The following HEATR4 variants were observed in gnomAD, a reference collection of about 807,000 sequenced individuals.
HEATR4 encodes HEAT repeat containing 4.
In HEATR4, 95 loss-of-function variants were observed where a neutral mutation model predicts 108.8. That is an observed-to-expected ratio of 0.87 (90% CI 0.74 to 1.04). The LOEUF is 1.04. Among genes scored for constraint, HEATR4 ranks in the 50% least tolerant of loss-of-function variants. The pLI, the probability that HEATR4 is intolerant of heterozygous loss-of-function variation, is 0.00. For missense variants in HEATR4, 1,152 were observed against 1,253.8 expected (o/e 0.92, Z 1.23); for synonymous variants, 443 against 459.4 (o/e 0.96, Z 0.46).
chr14:73,585,188 C>T, the HEATR4 span, among the ~76,000 whole-genome samples: 3 of 152,130 alleles, frequency 2.0e-5, no homozygotes, highest in East Asian at 1.9e-4. Flanking sequence ...GTTCCTGTCT[C>T]ACGACCTGGC....
At chr14:73,584,037 T>C in the HEATR4 span, among the ~76,000 whole-genome samples, 1,506 of 151,596 alleles carry the variant, frequency 9.9e-3, 21 homozygotes, top group African/African-American at 0.035. Flanking sequence ...TGTATGACCT[T>C]TCCAGGACAC....
Position 73,537,506 on chromosome 14 carries a change from G to A in HEATR4, c.-151-7262C>T, listed in dbSNP as rs199573594. On this transcript the variant is annotated intron_variant, in intron 1 of 17. Transcript: ENST00000553558. ...AATCGCCGTGCGCGGCCTAGCCCCG[G>A]AGCAGCCGGTCACGCTGCGCGCGTC... 11,091 of 1,215,596 alleles carry A rather than the reference G, an allele frequency of 9.1e-3. 3,434 individuals are homozygous for A. The highest frequency in any genetic ancestry group is 0.011 in the Non-Finnish European group (10,238 of 922,868). The allele number at this position is 1,215,596 out of a possible 1,614,324, so 75.3% of individuals were successfully genotyped here.
At chr14:73,528,182 G>A (rs1484091900) in intron 2 of HEATR4, among the ~76,000 whole-genome samples, 1 of 151,458 alleles carries the variant, frequency 6.6e-6, no homozygotes, top group African/African-American at 2.4e-5. Context: ...ATCACCTGAG[G>A]TCAGGAGTTT....
chr14:73,483,567 A>G (rs993811623), intron 17 of HEATR4, among the ~76,000 whole-genome samples: 2 of 152,210 alleles, frequency 1.3e-5, no homozygotes, highest in Non-Finnish European at 2.9e-5. Flanking sequence ...GATGAAAAAT[A>G]AATACTTTCA....
chr14:73,572,679 G>A, the HEATR4 span, among the ~76,000 whole-genome samples: 7 of 133,266 alleles, frequency 5.3e-5, no homozygotes, highest in South Asian at 5.0e-4. Context: ...ACAGTGTCTC[G>A]CTCTTTCGCC....
chr14:73,576,314 C>T, the HEATR4 span, among the ~76,000 whole-genome samples: 1 of 152,060 alleles, frequency 6.6e-6, no homozygotes, highest in South Asian at 2.1e-4. Flanking sequence ...TATAAAACTA[C>T]TAAAAATTTT....
chr14:73,628,219 T>G, the HEATR4 span, among the ~76,000 whole-genome samples: 1 of 152,232 alleles, frequency 6.6e-6, no homozygotes, highest in African/African-American at 2.4e-5. Flanking sequence ...GACAACACGT[T>G]GGAGATTCTA....
chr14:73,625,744 T>G, the HEATR4 span, among the ~76,000 whole-genome samples: 1 of 152,212 alleles, frequency 6.6e-6, no homozygotes, highest in Admixed American at 6.6e-5. Context: ...TGCACCCACA[T>G]AAGATGGTGA....
intron 1 of HEATR4, among the ~76,000 whole-genome samples, chr14:73,531,705 C>T (rs187743057): frequency 8.9e-6 from 1 of 112,528 alleles, no homozygotes; most frequent in African/African-American, 2.9e-5. Flanking sequence ...CCACCACACC[C>T]AGCCTCTTGG....
At position 73,534,224 on chromosome 14, in the gene HEATR4, C is replaced by T. The variant is rs1888793207; in HGVS notation, c.-151-3980G>A. Among the ~76,000 whole-genome samples the T allele has an allele frequency of 1.8e-5, 2 of 111,388 alleles. 1 individual carries two copies. The highest frequency in any genetic ancestry group is 5.9e-4 in the South Asian group (2 of 3,406). The allele number at this position is 111,388 out of a possible 152,430, so 73.1% of individuals were successfully genotyped here. ...TGAAACCTCGTCTTTACTAAAAATACAAAAATCAGCTGGCCGTGGTGGCAT... is the reference window on the plus strand; with the variant it reads ...TGAAACCTCGTCTTTACTAAAAATATAAAAATCAGCTGGCCGTGGTGGCAT... On this transcript the variant is annotated intron_variant, in intron 1 of 17. Transcript: ENST00000553558.
chr14:73,512,549 T>C (rs1241988144), intron 6 of HEATR4, among the ~76,000 whole-genome samples: 2 of 152,162 alleles, frequency 1.3e-5, no homozygotes, highest in Non-Finnish European at 2.9e-5. Context: ...AGATTTCTTA[T>C]TTGTAATACA....
chr14:73,630,551 C>T, the HEATR4 span, among the ~76,000 whole-genome samples: 1 of 152,228 alleles, frequency 6.6e-6, no homozygotes, highest in African/African-American at 2.4e-5. Flanking sequence ...CCAGCAAGGC[C>T]TGTCTGTCTA....
At chr14:73,517,185 G>A (rs1887656240) in intron 5 of HEATR4, 1 of 152,220 alleles carries the variant, frequency 6.6e-6, no homozygotes. Flanking sequence ...TCAGCCTCGC[G>A]AGTGGCTGGG....
chr14:73,633,000 TC>T, the HEATR4 span, among the ~76,000 whole-genome samples: 2 of 124,038 alleles, frequency 1.6e-5, no homozygotes, highest in Non-Finnish European at 3.3e-5. Flanking sequence ...TCTCTCTCTC[TC>T]TCTCTCTTTT....
the HEATR4 span, among the ~76,000 whole-genome samples, chr14:73,604,392 T>G: frequency 6.6e-6 from 1 of 151,890 alleles, no homozygotes; most frequent in African/African-American, 2.4e-5. Context: ...CTCAAACTCC[T>G]GACCTCAAGT....
chr14:73,532,683 A>T (rs146884149), intron 1 of HEATR4, among the ~76,000 whole-genome samples: 2,512 of 115,530 alleles, frequency 0.022, 757 homozygotes, highest in Middle Eastern at 0.066. Flanking sequence ...GGCCGGGTGC[A>T]GTGGCTCACG....
At chr14:73,501,615 C>G (rs1459584314) in intron 11 of HEATR4, among the ~76,000 whole-genome samples, 1 of 147,568 alleles carries the variant, frequency 6.8e-6, no homozygotes, top group Non-Finnish European at 1.5e-5. Flanking sequence ...TCTCTGTTGC[C>G]CAGGCTGGAA....
At chr14:73,480,161 G>T (rs184777128) in intron 17 of HEATR4, among the ~76,000 whole-genome samples, 290 of 152,100 alleles carry the variant, frequency 1.9e-3, no homozygotes, top group Admixed American at 3.5e-3. Flanking sequence ...TGAATAATTG[G>T]CTGGGCACGG....
chr14:73,590,775 G>C, the HEATR4 span, among the ~76,000 whole-genome samples: 1 of 151,698 alleles, frequency 6.6e-6, no homozygotes, highest in African/African-American at 2.4e-5. Context: ...GCGCTGGCCC[G>C]CAAGCCCCGC....
Sources: allele counts gnomAD v4.1 joint callset (sites outside exome capture counted in the v4.1 genomes callset), GRCh38; gene constraint gnomAD v4.1.1; transcripts MANE v1.5; gene names NCBI Gene and HGNC (gene_info 2026-07-23, HGNC 2026-07-21).